Variants in MMS19 observed in about 807,000 individuals in gnomAD.
The protein encoded by MMS19 is MMS19 cytosolic iron-sulfur assembly component, also known as MMS19 nucleotide excision repair protein homolog.
A neutral mutation model predicts 129.8 loss-of-function variants in MMS19; 77 were observed. The ratio of observed to expected loss-of-function variants is 0.59; its 90% confidence interval spans 0.49 to 0.72. The LOEUF is 0.72. Among genes scored for constraint, MMS19 ranks in the 30% least tolerant of loss-of-function variants. The pLI is 0.00. For missense variants in MMS19, 1,168 were observed against 1,266.3 expected, an observed-to-expected ratio of 0.92 and a Z score of 1.18; for synonymous variants, 491 against 502.8, an observed-to-expected ratio of 0.98 and a Z score of 0.31.
At chr10:97,468,086 T>C (rs1209193619) in intron 13 of MMS19, among the ~76,000 whole-genome samples, 166 bp downstream of exon 13, 1 of 152,088 alleles carries the variant, frequency 6.6e-6, no homozygotes, top group Non-Finnish European at 1.5e-5. Context: ...GATCCTTTTA[T>C]GTATGAGACA....
chr10:97,466,500 T>G lies in MMS19; in HGVS notation c.1505+4A>C, dbSNP rs749904414. 6.2e-7 allele frequency: 1 copy of G among 1,610,434 alleles called. No homozygotes were observed. The highest frequency in any genetic ancestry group is 8.5e-7 in the Non-Finnish European group (1 of 1,176,644). On this transcript the variant is annotated splice_donor_region_variant and intron_variant, in intron 16 of 30. Coordinates refer to ENST00000438925, the MANE Select transcript of MMS19 (RefSeq NM_022362.5). ...TGCTCTATCTCATTGCTTTAAATTC[T>G]CACCAACTCTGGGAATCCTCCTTCA...
At chr10:97,482,766 A>ACG (rs2037089332) in intron 2 of MMS19, among the ~76,000 whole-genome samples, 1 of 148,948 alleles carries the variant, frequency 6.7e-6, no homozygotes, top group Admixed American at 6.7e-5. Context: ...ACACACACAC[A>ACG]CATATATTTT....
chr10:97,459,796 GA>G (rs1412144333), intron 26 of MMS19, 55 bp from the exon 27 acceptor site: 10 of 1,379,262 alleles, frequency 7.3e-6, no homozygotes, highest in African/African-American at 2.9e-5. Flanking sequence ...TATAGCTTGA[GA>G]AATCAATTCC....
At chr10:97,474,420 G>A (rs184031081) in intron 8 of MMS19, among the ~76,000 whole-genome samples, 139 of 152,084 alleles carry the variant, frequency 9.1e-4, no homozygotes, top group South Asian at 3.7e-3. Context: ...ATGGTGGCAC[G>A]TACTGTAATC....
chr10:97,478,487 G>A (rs1460281981), intron 3 of MMS19, 98 bp from the exon 4 acceptor site: 2 of 850,158 alleles, frequency 2.4e-6, no homozygotes, highest in Non-Finnish European at 3.7e-6. Flanking sequence ...TTCTGTTTGG[G>A]TTCCACTACA....
chr10:97,490,478 A>T (rs1242835601), intron 1 of MMS19, among the ~76,000 whole-genome samples: 3 of 152,220 alleles, frequency 2.0e-5, no homozygotes, highest in Non-Finnish European at 4.4e-5. Context: ...AAAGGCTAAC[A>T]ATCTTCATAA....
chr10:97,469,768 C>T, intron 10 of MMS19, 45 bp from the exon 11 acceptor site: 1 of 1,551,744 alleles, frequency 6.4e-7, no homozygotes, highest in Non-Finnish European at 8.9e-7. Context: ...CACTCAGACA[C>T]CCTAGGATGT....
intron 16 of MMS19, 124 bp downstream of exon 16, chr10:97,466,380 G>C: frequency 3.6e-6 from 3 of 840,962 alleles, no homozygotes; most frequent in Non-Finnish European, 6.0e-6. Flanking sequence ...GTCTAACACA[G>C]AGCTCACCTC....
At chr10:97,470,739 G>A (rs768067407) in intron 9 of MMS19, 36 bp downstream of exon 9, 1 of 1,344,338 alleles carries the variant, frequency 7.4e-7, no homozygotes. Flanking sequence ...CCATCTATGG[G>A]CAGAGGCTAT....
chr10:97,462,744 T>C, intron 19 of MMS19, 62 bp from the exon 20 acceptor site: 2 of 1,317,046 alleles, frequency 1.5e-6, no homozygotes, highest in South Asian at 1.2e-5. Context: ...AAATGAATGA[T>C]TGGGTTCTGT....
chr10:97,461,241 C>G, intron 23 of MMS19: 2 of 606,488 alleles, frequency 3.3e-6, no homozygotes, highest in Non-Finnish European at 2.9e-6. Context: ...GAATTATCCA[C>G]ACTAGCCCCA....
chr10:97,477,120 C>T, intron 6 of MMS19, 157 bp from the exon 7 acceptor site: 1 of 1,496,752 alleles, frequency 6.7e-7, no homozygotes, highest in South Asian at 1.4e-5. Flanking sequence ...AAGAGATGTG[C>T]AACAATATAC....
intron 8 of MMS19, among the ~76,000 whole-genome samples, chr10:97,471,299 A>G (rs1166366819): frequency 6.6e-6 from 1 of 151,744 alleles, no homozygotes; most frequent in African/African-American, 2.4e-5. Context: ...AGTGGCTATG[A>G]TTTCATTTTG....
intron 1 of MMS19, among the ~76,000 whole-genome samples, chr10:97,486,363 TAG>T (rs1326455736): frequency 6.6e-6 from 1 of 152,156 alleles, no homozygotes; most frequent in Admixed American, 6.5e-5. Flanking sequence ...TATTTTTTAG[TAG>T]AGATGGGGTT....
chr10:97,459,994 CCAAG>C, intron 26 of MMS19, 48 bp downstream of exon 26: 1 of 1,573,978 alleles, frequency 6.4e-7, no homozygotes, highest in Non-Finnish European at 8.7e-7. Flanking sequence ...GGGAATGTGG[CCAAG>C]CAAAGGAGAG....
intron 1 of MMS19, among the ~76,000 whole-genome samples, chr10:97,485,262 G>C (rs2037615296): frequency 6.6e-6 from 1 of 151,930 alleles, no homozygotes; most frequent in Non-Finnish European, 1.5e-5. Context: ...CCGAGTACCT[G>C]GAATTACAGG....
intron 2 of MMS19, 60 bp from the exon 3 acceptor site, chr10:97,481,102 A>C (rs2036713550): frequency 9.1e-7 from 1 of 1,101,634 alleles, no homozygotes; most frequent in Non-Finnish European, 1.3e-6. Flanking sequence ...TTGAAGAAAT[A>C]AACATTTTAC....
At chr10:97,476,018 G>A (rs1056289069) in intron 8 of MMS19, among the ~76,000 whole-genome samples, 3 of 152,168 alleles carry the variant, frequency 2.0e-5, no homozygotes, top group African/African-American at 7.2e-5. Flanking sequence ...TATGCTGTTT[G>A]GCATGCTGCA....
intron 1 of MMS19, among the ~76,000 whole-genome samples, chr10:97,484,888 C>T (rs755409085): frequency 5.9e-5 from 9 of 152,114 alleles, no homozygotes; most frequent in Admixed American, 4.6e-4. Context: ...AGGTGATCCT[C>T]CCACCTCAGC....
Sources: gnomAD v4.1 joint callset for allele counts (sites outside exome capture counted in the v4.1 genomes callset) on GRCh38, gnomAD v4.1.1 for gene constraint, MANE v1.5 for transcripts, NCBI Gene and HGNC (gene_info 2026-07-23, HGNC 2026-07-21) for gene names.